CSMD2: variants seen among roughly 807,000 people sequenced by gnomAD.
The protein encoded by CSMD2 is CUB and sushi domain-containing protein 2.
Under a neutral mutation model 398.5 loss-of-function variants are expected in CSMD2, and 130 were observed. That is an observed-to-expected ratio of 0.33 (90% confidence interval 0.28 to 0.38). The LOEUF is 0.38. Ranked by LOEUF, CSMD2 falls within the 10% of genes least tolerant of loss-of-function variation. The probability of loss-of-function intolerance (pLI) is 1.00; values close to 1 mark genes in which losing one functional copy is unlikely to be tolerated. For synonymous variants in CSMD2, 1,828 were observed against 1,908.5 expected (o/e 0.96, Z 1.10); for missense variants, 3,829 against 4,764.9 (o/e 0.80, Z 5.78).
At chr1:33,848,298 C>T (rs955213613) in intron 5 of CSMD2, among the ~76,000 whole-genome samples, 2 of 152,258 alleles carry the variant, frequency 1.3e-5, no homozygotes, top group South Asian at 4.2e-4. Context: ...AAGAAGACAC[C>T]ATATAGGACC....
At chr1:33,948,979 C>T (rs1050764364) in intron 3 of CSMD2, among the ~76,000 whole-genome samples, 4 of 152,110 alleles carry the variant, frequency 2.6e-5, no homozygotes, top group Non-Finnish European at 4.4e-5. Context: ...CTGTGCCTCT[C>T]CTGGCTGTGG....
rs1658307358 is a variant in CSMD2 at position 33,559,053 on chromosome 1, T to TA, written c.8554+246dup. On this transcript the variant is annotated intron_variant, in intron 54 of 70. Coordinates refer to ENST00000373381, the MANE Select transcript of CSMD2 (RefSeq NM_001281956.2). This position sits in a 1 kb window ranked among gnomAD's most constrained non-coding sequence, Gnocchi z 4.0. The stretch of plus-strand genomic sequence containing the variant: ...GATACATTATTTGTTCAATGAAAGG[T>TA]AAAAAAGACGACTTGAAAGATAAAA... Among the ~76,000 whole-genome samples, 1 of 152,182 alleles carries TA rather than the reference T, an allele frequency of 6.6e-6. No individual in the cohort carries two copies. Among genetic ancestry groups the TA allele is most frequent in the African/African-American group, 2.4e-5 (1 of 41,440 alleles).
chr1:34,049,382 C>A (rs1652915905), intron 2 of CSMD2, among the ~76,000 whole-genome samples: 1 of 152,166 alleles, frequency 6.6e-6, no homozygotes, highest in Non-Finnish European at 1.5e-5. Context: ...TTCAGGGCCA[C>A]TATGTTGCAC....
chr1:33,676,311 A>C (rs569072890), intron 25 of CSMD2, among the ~76,000 whole-genome samples: 1 of 152,318 alleles, frequency 6.6e-6, no homozygotes, highest in Non-Finnish European at 1.5e-5. Flanking sequence ...CCTATACACC[A>C]ATAACAGACA....
At chr1:34,150,075 C>CTTTTTTTTTTTT (rs201785327) in intron 1 of CSMD2, among the ~76,000 whole-genome samples, 1 of 119,624 alleles carries the variant, frequency 8.4e-6, no homozygotes, top group African/African-American at 2.9e-5. Flanking sequence ...CATTTTTCTT[C>CTTTTTTTTTTTT]TTTCTTTTTT....
chr1:34,069,634 T>C (rs1046632040), intron 2 of CSMD2, among the ~76,000 whole-genome samples: 2 of 152,196 alleles, frequency 1.3e-5, no homozygotes, highest in Non-Finnish European at 2.9e-5. Context: ...CTTTCTCTCC[T>C]GACCCTCCAG....
At chr1:33,986,867 C>T (rs1646377286) in intron 3 of CSMD2, among the ~76,000 whole-genome samples, 1 of 152,148 alleles carries the variant, frequency 6.6e-6, no homozygotes, top group African/African-American at 2.4e-5. Context: ...GACATGCAGC[C>T]CCTGATTGCA....
chr1:33,566,553 T>C (rs1659077019), intron 53 of CSMD2, among the ~76,000 whole-genome samples: 1 of 152,162 alleles, frequency 6.6e-6, no homozygotes, highest in Non-Finnish European at 1.5e-5. Context: ...TTATACTGCA[T>C]ACAAGAATCA....
intron 5 of CSMD2, among the ~76,000 whole-genome samples, chr1:33,866,129 G>A (rs971368090): frequency 6.6e-6 from 1 of 152,134 alleles, no homozygotes; most frequent in Non-Finnish European, 1.5e-5. Context: ...TTTTTGAACA[G>A]TCTTTTAGAA....
Position 33,819,806 on chromosome 1 carries a change from C to T in CSMD2, c.1231G>A (p.Glu411Lys), listed in dbSNP as rs1026441195. ...TTGGACCCTTGCAGGTCATAGCCCT[C>T]GTTGCAGGTGAACTGGACGCTGGAT... ...LGSSVQFTCN[E>K]GYDLQGSKRI... Residue 411 changes from glutamate (E) to lysine (K), a missense_variant, in exon 9 of 71, where the codon GAG becomes AAG. Physicochemically the swap from Glu to Lys is moderately conservative, Grantham distance 56. Around this residue, in one of 5 missense-constraint regions of CSMD2, gnomAD observed 2,001 missense variants for 2,567.1 expected, o/e 0.78. Transcript: ENST00000373381. 2 of 1,614,114 alleles carry T rather than the reference C, an allele frequency of 1.2e-6. No homozygotes were observed. The highest frequency in any genetic ancestry group is 8.5e-7 in the Non-Finnish European group (1 of 1,179,996).
chr1:34,040,247 A>T (rs78370141), intron 2 of CSMD2, among the ~76,000 whole-genome samples: 1,774 of 152,244 alleles, frequency 0.012, 67 homozygotes, highest in East Asian at 0.084. Context: ...GCTCTACCCA[A>T]TTGGGATCAT....
intron 6 of CSMD2, among the ~76,000 whole-genome samples, chr1:33,841,143 C>G (rs565953022): frequency 6.6e-6 from 1 of 152,266 alleles, no homozygotes; most frequent in African/African-American, 2.4e-5. Context: ...TCTCAGTCAG[C>G]AGGGTTGACT....
intron 7 of CSMD2, among the ~76,000 whole-genome samples, chr1:33,823,018 C>T (rs531947343): frequency 2.0e-5 from 3 of 152,340 alleles, no homozygotes; most frequent in African/African-American, 7.2e-5. Context: ...CCTTCTCTTG[C>T]CCTCTCATTC....
chr1:33,725,264 G>T, intron 17 of CSMD2, 85 bp downstream of exon 17: 1 of 1,149,752 alleles, frequency 8.7e-7, no homozygotes. Context: ...GCCAAGCAGG[G>T]GCCTGTGGTG....
chr1:33,542,597 C>G, intron 58 of CSMD2, 123 bp downstream of exon 58: 1 of 793,644 alleles, frequency 1.3e-6, no homozygotes, highest in Non-Finnish European at 1.9e-6. Flanking sequence ...ATATGATTAT[C>G]GTTCAGGTTC....
rs5773416 is a variant in CSMD2, at chr1:33,570,166, C to CTTT, written c.7958-622_7958-620dup. The stretch of plus-strand genomic sequence containing the variant: ...CAGTGTCATGAATCACGGACATTGG[C>CTTT]TTTTTTTTTTTTTTTTTTTGAGACG... On this transcript the variant is annotated intron_variant, in intron 51 of 70. Transcript: ENST00000373381. 2.6e-5 allele frequency among the ~76,000 whole-genome samples: 3 copies of CTTT among 117,294 alleles called. 1 individual carries two copies. Among genetic ancestry groups the CTTT allele is most frequent in the Non-Finnish European group, 5.3e-5 (3 of 57,118 alleles). 76.9% of individuals were successfully genotyped at this position (117,294 alleles called of 152,430 possible).
chr1:34,093,631 T>A (rs1221529893), intron 1 of CSMD2, among the ~76,000 whole-genome samples: 1 of 151,832 alleles, frequency 6.6e-6, no homozygotes, highest in African/African-American at 2.4e-5. Flanking sequence ...CAGGAGCCGA[T>A]GCGATCAACT....
intron 4 of CSMD2, among the ~76,000 whole-genome samples, chr1:33,920,103 C>T (rs1380205622): frequency 1.3e-5 from 2 of 152,074 alleles, no homozygotes; most frequent in Non-Finnish European, 2.9e-5. Flanking sequence ...GAGAAGTTGA[C>T]ATTTGAGCCA....
At chr1:33,866,414 T>G (rs1640039101) in intron 5 of CSMD2, among the ~76,000 whole-genome samples, 1 of 152,224 alleles carries the variant, frequency 6.6e-6, no homozygotes, top group South Asian at 2.1e-4. Context: ...CCAGCAAGCC[T>G]GTGCTGCAGT....
Sources: allele counts gnomAD v4.1 joint callset (sites outside exome capture counted in the v4.1 genomes callset), GRCh38; gene constraint gnomAD v4.1.1; regional missense constraint gnomAD v4.1.1; non-coding constraint Gnocchi (gnomAD v3.1); transcripts MANE v1.5; gene names NCBI Gene and HGNC (gene_info 2026-07-23, HGNC 2026-07-21).